The following PRELID2 variants were observed in gnomAD, a reference collection of about 807,000 sequenced individuals.
PRELID2 encodes the protein PRELI domain containing 2, also known as PRELI domain-containing protein 2.
In PRELID2, 25 loss-of-function variants were observed where a neutral mutation model predicts 28.4. That is an observed-to-expected ratio of 0.88 (90% CI 0.64 to 1.23). PRELID2 has a LOEUF of 1.23. Among genes scored for constraint, PRELID2 ranks in the 50% most tolerant of loss-of-function variants. The pLI is 0.00. For missense variants in PRELID2, 201 were observed against 214.4 expected (o/e 0.94, Z 0.39); for synonymous variants, 76 against 71.6 (o/e 1.06, Z -0.31).
intron 1 of PRELID2, among the ~76,000 whole-genome samples, chr5:145,733,511 A>G (rs1216693741): frequency 1.3e-5 from 2 of 152,216 alleles, no homozygotes; most frequent in African/African-American, 4.8e-5. Context: ...TTCCTTCCAT[A>G]AATCAAAACC....
chr5:145,381,054 ATTCACCTT>A, the PRELID2 span, among the ~76,000 whole-genome samples: 1 of 152,308 alleles, frequency 6.6e-6, no homozygotes, highest in South Asian at 2.1e-4. Context: ...TTTGCATAGA[ATTCACCTT>A]TTCAGTTAAA....
the PRELID2 span, among the ~76,000 whole-genome samples, chr5:145,247,889 C>A: frequency 6.6e-6 from 1 of 152,042 alleles, no homozygotes; most frequent in Non-Finnish European, 1.5e-5. Flanking sequence ...ATTATACTGG[C>A]CTCAGCTAAT....
chr5:145,766,699 G>A (rs1757783107), intron 5 of PRELID2, among the ~76,000 whole-genome samples: 1 of 152,128 alleles, frequency 6.6e-6, no homozygotes, highest in African/African-American at 2.4e-5. Flanking sequence ...CACTGTCAGA[G>A]GTAGGAGACC....
chr5:145,620,780 G>T (rs545118932), intron 1 of PRELID2, among the ~76,000 whole-genome samples: 2 of 151,878 alleles, frequency 1.3e-5, no homozygotes, highest in Non-Finnish European at 2.9e-5. Flanking sequence ...CGAGGCTACA[G>T]TGAGCCATGG....
intron 1 of PRELID2, among the ~76,000 whole-genome samples, chr5:145,523,654 T>A (rs1198653890): frequency 1.3e-5 from 2 of 151,980 alleles, no homozygotes; most frequent in African/African-American, 4.8e-5. Context: ...TCTATCAGGG[T>A]CCGCTGCTAT....
rs1581274638 is a variant in PRELID2, at chr5:145,821,329, CTGTG to C, written c.134-1315_134-1312del. On this transcript the variant is annotated intron_variant, in intron 2 of 6. Transcript: ENST00000683046. ...TGTGTGTATGTGTGTAAGCCCTCTT[CTGTG>C]TATGTGTGTGTAAGCCCTCGTGTTT... Among the ~76,000 whole-genome samples, 5 of 147,964 alleles carry C rather than the reference CTGTG, an allele frequency of 3.4e-5. No individual in the cohort carries two copies. In the East Asian group the frequency reaches 1.0e-3, roughly 30 times the overall value.
intron 1 of PRELID2, among the ~76,000 whole-genome samples, chr5:145,744,264 G>A (rs1355918860): frequency 1.3e-5 from 2 of 152,222 alleles, no homozygotes; most frequent in Non-Finnish European, 2.9e-5. Flanking sequence ...AGCAGACTTA[G>A]TCTTTCCTCA....
chr5:145,639,639 T>C (rs1754061406), intron 1 of PRELID2, among the ~76,000 whole-genome samples: 1 of 152,184 alleles, frequency 6.6e-6, no homozygotes. Context: ...TATCTGCCTT[T>C]TTCCTATTCA....
At chr5:145,365,470 G>A in the PRELID2 span, among the ~76,000 whole-genome samples, 1 of 151,740 alleles carries the variant, frequency 6.6e-6, no homozygotes, top group African/African-American at 2.4e-5. Context: ...TGACTTACAC[G>A]TGGAGCCAAC....
intron 1 of PRELID2, among the ~76,000 whole-genome samples, chr5:145,568,622 C>G (rs961462789): frequency 3.9e-5 from 6 of 152,150 alleles, no homozygotes; most frequent in African/African-American, 1.4e-4. Flanking sequence ...AATTTCTCTC[C>G]CAGTCAGCCA....
At chr5:145,823,363 C>G (rs1170835553) in intron 1 of PRELID2, among the ~76,000 whole-genome samples, 1 of 152,164 alleles carries the variant, frequency 6.6e-6, no homozygotes, top group Non-Finnish European at 1.5e-5. Context: ...TTAGATCCAA[C>G]TAGCCCTGAG....
At chr5:145,442,499 A>C in the PRELID2 span, among the ~76,000 whole-genome samples, 1 of 151,942 alleles carries the variant, frequency 6.6e-6, no homozygotes, top group Non-Finnish European at 1.5e-5. Context: ...TAATAGACAC[A>C]CACAAGATAG....
At chr5:145,627,481 A>G (rs1478160725) in intron 1 of PRELID2, among the ~76,000 whole-genome samples, 1 of 152,134 alleles carries the variant, frequency 6.6e-6, no homozygotes, top group Non-Finnish European at 1.5e-5. Flanking sequence ...TTACACCCTT[A>G]AATCCATAAA....
rs1581037161 is a variant in PRELID2, at chr5:145,663,667, A to C, written n.70+101264T>G. ...TATTAATACGTGCCACACCAGCATT[A>C]GTGATTAGGAGGATGGGTCTTGAAA... is the stretch of plus-strand genomic sequence containing the variant. On this transcript the variant is annotated intron_variant and non_coding_transcript_variant, in intron 1 of 2. Transcript: ENST00000510259. Among the ~76,000 whole-genome samples, 5 of 152,278 alleles carry C rather than the reference A, an allele frequency of 3.3e-5. 1 individual carries two copies. The highest frequency in any genetic ancestry group is 1.2e-4 in the African/African-American group (5 of 41,564).
chr5:145,453,757 T>A, the PRELID2 span, among the ~76,000 whole-genome samples: 1 of 152,164 alleles, frequency 6.6e-6, no homozygotes, highest in South Asian at 2.1e-4. Flanking sequence ...GAATGATGGT[T>A]TCCAGCTTCA....
the PRELID2 span, among the ~76,000 whole-genome samples, chr5:145,445,224 C>A: frequency 6.6e-6 from 1 of 152,004 alleles, no homozygotes; most frequent in Non-Finnish European, 1.5e-5. Flanking sequence ...AGAAATGAAT[C>A]CAAGTATCCA....
chr5:145,491,557 A>G (rs548133952), intron 1 of PRELID2, among the ~76,000 whole-genome samples: 1 of 152,052 alleles, frequency 6.6e-6, no homozygotes, highest in African/African-American at 2.4e-5. Context: ...GGTAACACTT[A>G]ACATACACTC....
the PRELID2 span, among the ~76,000 whole-genome samples, chr5:145,416,209 G>C: frequency 2.6e-5 from 4 of 151,542 alleles, no homozygotes; most frequent in Non-Finnish European, 4.4e-5. Flanking sequence ...CGGTTGGCTA[G>C]CCATATGTAG....
chr5:145,599,029 A>G (rs530381126), intron 1 of PRELID2, among the ~76,000 whole-genome samples: 1 of 152,234 alleles, frequency 6.6e-6, no homozygotes, highest in African/African-American at 2.4e-5. Flanking sequence ...GATTCAGCCT[A>G]TAGGTTGTTA....
Sources: allele counts gnomAD v4.1 joint callset (sites outside exome capture counted in the v4.1 genomes callset), GRCh38; gene constraint gnomAD v4.1.1; transcripts MANE v1.5; gene names NCBI Gene and HGNC (gene_info 2026-07-23, HGNC 2026-07-21).